The following TRIM14 variants were observed in gnomAD, a reference collection of about 807,000 sequenced individuals.
The protein encoded by TRIM14 is tripartite motif containing 14.
TRIM14 carries 28 observed loss-of-function variants against 44.5 expected under a neutral mutation model. That is an observed-to-expected ratio of 0.63 (90% CI 0.47 to 0.86). The LOEUF is 0.86. Among genes scored for constraint, TRIM14 ranks in the 40% least tolerant of loss-of-function variants. The probability of loss-of-function intolerance (pLI) is 0.00; values close to 1 mark genes in which losing one functional copy is unlikely to be tolerated. For missense variants in TRIM14, 607 were observed against 611.1 expected, an observed-to-expected ratio of 0.99 and a Z score of 0.07; for synonymous variants, 299 against 269.2, an observed-to-expected ratio of 1.11 and a Z score of -1.08.
chr9:98,050,228 T>C, the TRIM14 span, among the ~76,000 whole-genome samples: 1 of 152,232 alleles, frequency 6.6e-6, no homozygotes, highest in South Asian at 2.1e-4. Context: ...TAGGCTGAAC[T>C]TAAAATATAT....
downstream of TRIM14, chr9:98,082,968 G>A: frequency 6.2e-7 from 1 of 1,614,154 alleles, no homozygotes; most frequent in Non-Finnish European, 8.5e-7. Context: ...TTAATCTAGT[G>A]GGCAAGAAGG....
chr9:98,059,476 A>G, the TRIM14 span, among the ~76,000 whole-genome samples: 34 of 152,124 alleles, frequency 2.2e-4, no homozygotes, highest in African/African-American at 6.5e-4. Flanking sequence ...GTGCAGTGGC[A>G]CCATCATAGC....
intron 1 of TRIM14, among the ~76,000 whole-genome samples, chr9:98,113,049 G>A (rs1209706003): frequency 1.3e-5 from 2 of 149,018 alleles, no homozygotes; most frequent in African/African-American, 5.0e-5. Context: ...GGGAGGTGGA[G>A]GTTGCAGTGA....
At chr9:98,040,815 C>G in the TRIM14 span, among the ~76,000 whole-genome samples, 2 of 152,102 alleles carry the variant, frequency 1.3e-5, no homozygotes, top group East Asian at 3.9e-4. Context: ...CGACATCACG[C>G]CCGGCTAATT....
chr9:98,040,188 C>G, the TRIM14 span, among the ~76,000 whole-genome samples: 1 of 152,164 alleles, frequency 6.6e-6, no homozygotes, highest in Non-Finnish European at 1.5e-5. Context: ...TCCAAACACG[C>G]ACTTCCTCAG....
In TRIM14 at chr9:98,087,457, C is replaced by T. The variant is rs1587941111; in HGVS notation, c.*13G>A. On this transcript the variant is annotated 3_prime_UTR_variant, in exon 6 of 6. Coordinates refer to ENST00000341469, the MANE Select transcript of TRIM14 (RefSeq NM_014788.4). ...TGCGGCGTACCTGGAGGCTGTCACG[C>T]CGGTCCTGGCCCCTAGGGCAGCCGG... 6.2e-7 allele frequency: 1 copy of T among 1,605,010 alleles called. No homozygotes were observed. Among genetic ancestry groups the T allele is most frequent in the Non-Finnish European group, 8.5e-7 (1 of 1,174,526 alleles).
At position 98,095,616 on chromosome 9, in the gene TRIM14, T is replaced by A. The variant is rs77455433; in HGVS notation, c.538-587A>T. Among the ~76,000 whole-genome samples the A allele has an allele frequency of 1.1e-4, 16 of 152,316 alleles. No individual in the cohort carries two copies. The highest frequency in any genetic ancestry group is 9.1e-4 in the Admixed American group (14 of 15,302). The stretch of plus-strand genomic sequence containing the variant: ...CCTGGACAGCCCCTCTTCAATACTT[T>A]CCTGTGGTATGTGGCTTCACTAAGG... On this transcript the variant is annotated intron_variant, in intron 3 of 5. Coordinates refer to ENST00000341469, the MANE Select transcript of TRIM14 (RefSeq NM_014788.4). This position sits in a 1 kb window ranked among gnomAD's most constrained non-coding sequence, Gnocchi z 4.1.
the TRIM14 span, among the ~76,000 whole-genome samples, chr9:98,036,229 A>G: frequency 6.7e-6 from 1 of 150,292 alleles, no homozygotes; most frequent in South Asian, 2.1e-4. Flanking sequence ...AGAAAAAGAA[A>G]AAAAGAAGTC....
the TRIM14 span, among the ~76,000 whole-genome samples, chr9:98,036,500 GAA>G: frequency 0.011 from 1,147 of 102,494 alleles, 10 homozygotes; most frequent in African/African-American, 0.032. Flanking sequence ...GACTCCATCT[GAA>G]AAAAAAAAAA....
At chr9:98,080,890 C>T (rs113232300), downstream of TRIM14, 130 of 1,614,044 alleles carry the variant, frequency 8.1e-5, no homozygotes, top group South Asian at 1.2e-3. Flanking sequence ...TATCTGTGGC[C>T]GCAGTGGCTC....
the TRIM14 span, among the ~76,000 whole-genome samples, chr9:98,044,416 C>G: frequency 6.7e-6 from 1 of 148,228 alleles, no homozygotes; most frequent in Admixed American, 6.8e-5. Flanking sequence ...GGTCTGTCAC[C>G]AGGCTGGAGT....
At chr9:98,037,307 G>A in the TRIM14 span, among the ~76,000 whole-genome samples, 1 of 152,176 alleles carries the variant, frequency 6.6e-6, no homozygotes, top group Admixed American at 6.5e-5. Flanking sequence ...AAACCCAGGA[G>A]GTGGAGGTTG....
downstream of TRIM14, chr9:98,081,359 T>C (rs1403845295): frequency 1.1e-5 from 5 of 468,892 alleles, no homozygotes; most frequent in Non-Finnish European, 1.9e-5. Context: ...CTGAAGCCCA[T>C]GGCCCCAGTA....
At chr9:98,037,261 C>G in the TRIM14 span, among the ~76,000 whole-genome samples, 1 of 152,142 alleles carries the variant, frequency 6.6e-6, no homozygotes, top group Non-Finnish European at 1.5e-5. Flanking sequence ...ACCTGTAATC[C>G]CAGCTACTTG....
At chr9:98,099,880 TGAAG>T in intron 3 of TRIM14, 47 bp downstream of exon 3, 1 of 1,512,608 alleles carries the variant, frequency 6.6e-7, no homozygotes, top group Admixed American at 1.7e-5. Flanking sequence ...ATACTTGAGA[TGAAG>T]TGTGGGTGGC....
At chr9:98,109,041 CTATTT>C (rs1229582569) in intron 2 of TRIM14, among the ~76,000 whole-genome samples, 4 of 151,950 alleles carry the variant, frequency 2.6e-5, no homozygotes, top group Admixed American at 6.6e-5. Context: ...CCATACCTGG[CTATTT>C]TATTTTATTT....
At chr9:98,108,588 C>G (rs1587971372) in intron 2 of TRIM14, among the ~76,000 whole-genome samples, 2 of 152,044 alleles carry the variant, frequency 1.3e-5, no homozygotes, top group Non-Finnish European at 2.9e-5. Flanking sequence ...TCCCCACAAC[C>G]CTTCCAACGT....
the TRIM14 span, among the ~76,000 whole-genome samples, chr9:98,058,880 A>T: frequency 1.3e-5 from 2 of 152,262 alleles, no homozygotes; most frequent in Admixed American, 1.3e-4. Context: ...CTTCATCTAG[A>T]CAATGAGAGC....
intron 2 of TRIM14, among the ~76,000 whole-genome samples, chr9:98,103,674 T>C (rs1270018407): frequency 2.6e-5 from 4 of 151,684 alleles, no homozygotes; most frequent in Non-Finnish European, 5.9e-5. Context: ...CTGTCTCTAC[T>C]AAAGATATAA....
Sources: gnomAD v4.1 joint callset for allele counts (sites outside exome capture counted in the v4.1 genomes callset) on GRCh38, gnomAD v4.1.1 for gene constraint, Gnocchi (gnomAD v3.1) non-coding constraint, MANE v1.5 for transcripts, NCBI Gene and HGNC (gene_info 2026-07-23, HGNC 2026-07-21) for gene names.